Variants in MEI1 observed in about 807,000 individuals in gnomAD.
The protein encoded by MEI1 is meiosis inhibitor protein 1.
Under a neutral mutation model 146.2 loss-of-function variants are expected in MEI1, and 103 were observed. That is an observed-to-expected ratio of 0.70 (90% confidence interval 0.60 to 0.83). The LOEUF (loss-of-function observed/expected upper bound fraction) is 0.83. MEI1 is among the 40% of genes least tolerant of loss of function. MEI1 has a pLI of 0.00. For synonymous variants in MEI1, 652 were observed against 628.2 expected, an observed-to-expected ratio of 1.04 and a Z score of -0.57; for missense variants, 1,529 against 1,533.0, an observed-to-expected ratio of 1.00 and a Z score of 0.04.
intron 11 of MEI1, among the ~76,000 whole-genome samples, chr22:41,739,808 T>A (rs2072702954): frequency 6.6e-6 from 1 of 152,050 alleles, no homozygotes; most frequent in Non-Finnish European, 1.5e-5. Context: ...GGTATTTCAG[T>A]TGTACTATGA....
Position 41,718,390 on chromosome 22 carries a change from G to A in MEI1, c.733+116G>A, listed in dbSNP as rs1444746863. The A allele has an allele frequency of 3.3e-6, 3 of 909,698 alleles. No individual in the cohort carries two copies. In the Admixed American group the frequency reaches 7.0e-5, roughly 21 times the overall value. The allele number at this position is 909,698 out of a possible 1,614,324, so 56.4% of individuals were successfully genotyped here. A position where few individuals can be genotyped will look rare whatever the true frequency, so the allele number is the denominator to read the frequency against. ...GTTTGCTGTTTTGCAAAAGGTAGAA[G>A]CCACAAGGCTTGAGAGATAAGAGAC... is the stretch of plus-strand genomic sequence containing the variant. On this transcript the variant is annotated intron_variant, in intron 6 of 30. Coordinates refer to ENST00000401548, the MANE Select transcript of MEI1 (RefSeq NM_152513.4).
intron 11 of MEI1, among the ~76,000 whole-genome samples, chr22:41,737,008 C>T (rs1174155430): frequency 6.6e-6 from 1 of 152,206 alleles, no homozygotes; most frequent in Non-Finnish European, 1.5e-5. Context: ...CCTGGCTCCA[C>T]AAACAGTACT....
chr22:41,760,931 G>A (rs1413175264), intron 18 of MEI1, among the ~76,000 whole-genome samples: 3 of 151,160 alleles, frequency 2.0e-5, no homozygotes, highest in African/African-American at 4.9e-5. Context: ...GCCTGGCGCC[G>A]GGCTGCCTGG....
At chr22:41,771,610 CT>C (rs11421181) in intron 20 of MEI1, among the ~76,000 whole-genome samples, 1 of 149,080 alleles carries the variant, frequency 6.7e-6, no homozygotes. Context: ...TAATTTTTTA[CT>C]TTTTTTTTTA....
intron 13 of MEI1, 55 bp from the exon 14 acceptor site, chr22:41,745,830 G>A (rs754106885): frequency 4.0e-6 from 6 of 1,512,948 alleles, no homozygotes; most frequent in Non-Finnish European, 5.4e-6. Context: ...GAAGCTGTTT[G>A]TAACCTTTAG....
intron 26 of MEI1, among the ~76,000 whole-genome samples, chr22:41,790,409 C>T (rs1224369876): frequency 1.3e-5 from 2 of 151,964 alleles, no homozygotes; most frequent in African/African-American, 2.4e-5. Flanking sequence ...TTATTCATTT[C>T]TTCATTCATT....
At chr22:41,752,689 G>C (rs775374515) in intron 16 of MEI1, 38 bp downstream of exon 16, 1 of 1,542,866 alleles carries the variant, frequency 6.5e-7, no homozygotes, top group Middle Eastern at 1.7e-4. Context: ...TGGCCAAGGG[G>C]CCAATGTCCC....
Position 41,753,968 on chromosome 22 carries a change from G to A in MEI1, c.1873G>A (p.Val625Met), listed in dbSNP as rs780353765. The change falls in exon 17 of 31, where the codon GTG becomes ATG. Residue 625 changes from valine (V) to methionine (M), a missense_variant. Transcript: ENST00000401548. The part of the protein sequence containing the change: ...SGLSHSALNQ[V>M]CSNFLYYMCL... ...TCTAAGTCACTCAGCCCTAAACCAG[G>A]TGTGTTCCAATTTCCTCTACTATAT... 1.9e-6 allele frequency: 3 copies of A among 1,612,862 alleles called. No homozygotes were observed. The highest frequency in any genetic ancestry group is 1.1e-5 in the South Asian group (1 of 91,058).
In MEI1 at chr22:41,787,134, G is replaced by A. The variant is rs1602161708; in HGVS notation, c.3345+2351G>A. 3.9e-5 allele frequency among the ~76,000 whole-genome samples: 6 copies of A among 152,302 alleles called. 2 individuals carry two copies. The highest frequency in any genetic ancestry group is 3.9e-4 in the Admixed American group (6 of 15,284). On this transcript the variant is annotated intron_variant, in intron 26 of 30. Coordinates refer to ENST00000401548, the MANE Select transcript of MEI1 (RefSeq NM_152513.4). ...CAACCAGGCTGTGATATACTCAAGG[G>A]CAGAGTCTGGGTCTGGTTAATCTTT...
intron 1 of MEI1, among the ~76,000 whole-genome samples, chr22:41,701,177 G>C (rs921168453): frequency 2.0e-5 from 3 of 151,854 alleles, no homozygotes; most frequent in Non-Finnish European, 2.9e-5. Flanking sequence ...AACCTCAGGT[G>C]ATCTGCCTGC....
chr22:41,722,759 C>T (rs1434610196), intron 6 of MEI1, among the ~76,000 whole-genome samples: 1 of 152,116 alleles, frequency 6.6e-6, no homozygotes, highest in Non-Finnish European at 1.5e-5. Context: ...TTAGATGATT[C>T]ATTTGATTTC....
chr22:41,781,717 ATGGAGCTTC>A lies in MEI1; in HGVS notation c.2965_2973del (p.Leu989_Glu991del), dbSNP rs770298906. 2 of 1,613,722 alleles carry A rather than the reference ATGGAGCTTC, an allele frequency of 1.2e-6. No individual in the cohort carries two copies. The highest frequency in any genetic ancestry group is 3.3e-5 in the Admixed American group (2 of 60,028). On this transcript the variant is annotated inframe_deletion, in exon 24 of 31. Coordinates refer to ENST00000401548, the MANE Select transcript of MEI1 (RefSeq NM_152513.4). ...AGTGCTCCTGAGCAGCACAGGCCTG[ATGGAGCTTC>A]TGGAGAAGATGCTGGCCCTCACCTT...
chr22:41,729,074 G>T (rs989509343), intron 7 of MEI1, among the ~76,000 whole-genome samples: 2 of 146,148 alleles, frequency 1.4e-5, no homozygotes, highest in Non-Finnish European at 3.0e-5. Context: ...TGAGGCAGAA[G>T]AATCGCTTGA....
chr22:41,755,003 G>A (rs2074000849), intron 17 of MEI1, among the ~76,000 whole-genome samples: 1 of 152,158 alleles, frequency 6.6e-6, no homozygotes, highest in Admixed American at 6.6e-5. Context: ...GTCAAGTAAA[G>A]GAAAGCCATG....
intron 19 of MEI1, among the ~76,000 whole-genome samples, chr22:41,763,879 A>G (rs528162774): frequency 6.6e-6 from 1 of 151,550 alleles, no homozygotes; most frequent in African/African-American, 2.4e-5. Context: ...CACTTAACCT[A>G]TGTTTCCTAT....
chr22:41,776,399 G>A, intron 21 of MEI1, 132 bp downstream of exon 21: 11 of 988,122 alleles, frequency 1.1e-5, no homozygotes, highest in Admixed American at 2.5e-5. Flanking sequence ...GGCCATTGTG[G>A]CATCAAGCTA....
chr22:41,736,140 G>T (rs1221004803), intron 11 of MEI1, among the ~76,000 whole-genome samples: 2 of 151,898 alleles, frequency 1.3e-5, no homozygotes, highest in Non-Finnish European at 2.9e-5. Flanking sequence ...ATGACTTAAG[G>T]TCATATCACT....
intron 18 of MEI1, among the ~76,000 whole-genome samples, chr22:41,759,174 G>T (rs952832502): frequency 6.6e-6 from 1 of 151,728 alleles, no homozygotes; most frequent in Non-Finnish European, 1.5e-5. Flanking sequence ...AAAAATAAAA[G>T]GGCTGTTCTT....
chr22:41,712,703 G>GTGTGTGTGTGT (rs766760114), intron 3 of MEI1, among the ~76,000 whole-genome samples: 9 of 91,410 alleles, frequency 9.8e-5, no homozygotes, highest in South Asian at 7.2e-4. Context: ...TGTGTGTGTG[G>GTGTGTGTGTGT]AGCAATATAT....
Sources: allele counts gnomAD v4.1 joint callset (sites outside exome capture counted in the v4.1 genomes callset), GRCh38; gene constraint gnomAD v4.1.1; transcripts MANE v1.5; gene names NCBI Gene and HGNC (gene_info 2026-07-23, HGNC 2026-07-21).